The following GALNT10 variants were observed in gnomAD, a reference collection of about 807,000 sequenced individuals.
GALNT10 encodes polypeptide N-acetylgalactosaminyltransferase 10, also known as GalNAc transferase 10.
A neutral mutation model predicts 75.0 loss-of-function variants in GALNT10; 41 were observed. The observed-to-expected ratio is 0.55, with a 90% CI of 0.43 to 0.71. The LOEUF (loss-of-function observed/expected upper bound fraction) is 0.71, where lower values mean the gene tolerates loss of function less well. GALNT10 is among the 30% of genes least tolerant of loss of function. The pLI is 0.00. For synonymous variants in GALNT10, 302 were observed against 313.0 expected (o/e 0.96, Z 0.37); for missense variants, 727 against 818.5 (o/e 0.89, Z 1.36).
rs143431287 is a variant in GALNT10 at position 154,234,769 on chromosome 5, A to G, written c.159+43744A>G. Among the ~76,000 whole-genome samples the G allele has an allele frequency of 4.6e-3, 701 of 152,294 alleles. 2 individuals carry two copies. The highest frequency in any genetic ancestry group is 7.2e-3 in the Non-Finnish European group (493 of 68,022). On this transcript the variant is annotated intron_variant, in intron 1 of 11. Coordinates refer to ENST00000297107, the MANE Select transcript of GALNT10 (RefSeq NM_198321.4). The stretch of plus-strand genomic sequence containing the variant: ...TCAGGGCCTGTGCTTCTTATCTCTC[A>G]CTACATTATTCTGACAGTAGGCAGA...
chr5:154,339,412 G>GT (rs1265056254), intron 4 of GALNT10, among the ~76,000 whole-genome samples: 2 of 152,064 alleles, frequency 1.3e-5, no homozygotes, highest in African/African-American at 4.8e-5. Context: ...ATATCAATTA[G>GT]TTTATAATGA....
At chr5:154,231,014 GC>G (rs1437605222) in intron 1 of GALNT10, among the ~76,000 whole-genome samples, 2 of 152,216 alleles carry the variant, frequency 1.3e-5, no homozygotes, top group Admixed American at 1.3e-4. Flanking sequence ...TTCTGAGGAC[GC>G]CACGAACCAG....
chr5:154,195,513 G>A (rs958520212), intron 1 of GALNT10, among the ~76,000 whole-genome samples: 6 of 152,224 alleles, frequency 3.9e-5, no homozygotes, highest in African/African-American at 1.4e-4. Context: ...CTAGCACAAA[G>A]CACAAGATTT....
intron 1 of GALNT10, among the ~76,000 whole-genome samples, chr5:154,220,783 A>G (rs996630805): frequency 6.6e-6 from 1 of 152,234 alleles, no homozygotes; most frequent in Admixed American, 6.5e-5. Context: ...CCTTTCTGAC[A>G]GACTCTGGGG....
intron 3 of GALNT10, 45 bp from the exon 4 acceptor site, chr5:154,329,527 G>A (rs754506950): frequency 2.6e-6 from 4 of 1,536,668 alleles, no homozygotes; most frequent in East Asian, 2.2e-5. Context: ...CTTGGCAGGA[G>A]GAGAGCTGAC....
At chr5:154,279,930 T>C (rs911872635) in intron 1 of GALNT10, among the ~76,000 whole-genome samples, 3 of 152,090 alleles carry the variant, frequency 2.0e-5, no homozygotes, top group African/African-American at 4.8e-5. Flanking sequence ...TGGGTATATA[T>C]CCAAAGAAAA....
intron 1 of GALNT10, 113 bp downstream of exon 1, chr5:154,191,138 C>G: frequency 1.5e-6 from 1 of 668,498 alleles, no homozygotes; most frequent in Admixed American, 4.1e-5. Context: ...AGCTCCGAGA[C>G]TCTTCAGCTC....
chr5:154,227,977 T>C (rs1219793092), intron 1 of GALNT10, among the ~76,000 whole-genome samples: 1 of 152,130 alleles, frequency 6.6e-6, no homozygotes, highest in Non-Finnish European at 1.5e-5. Flanking sequence ...GTCTTCATGA[T>C]AGTGAGTTCT....
intron 8 of GALNT10, among the ~76,000 whole-genome samples, chr5:154,405,458 G>C (rs977354609): frequency 9.9e-5 from 15 of 152,232 alleles, no homozygotes; most frequent in African/African-American, 3.4e-4. Context: ...ACACGGGCGG[G>C]GGGTAGGTTC....
intron 1 of GALNT10, among the ~76,000 whole-genome samples, chr5:154,292,263 G>T (rs73279687): frequency 0.17 from 25,570 of 152,194 alleles, 2,281 homozygotes; most frequent in Non-Finnish European, 0.18. Context: ...CTAAAACACG[G>T]ATTGCTGGGC....
chr5:154,353,263 A>T (rs898786944), intron 4 of GALNT10, among the ~76,000 whole-genome samples: 1 of 152,162 alleles, frequency 6.6e-6, no homozygotes, highest in Non-Finnish European at 1.5e-5. Context: ...AGCCGCAATT[A>T]TGAGCGAAAA....
At chr5:154,323,402 C>T (rs1346227109) in intron 3 of GALNT10, among the ~76,000 whole-genome samples, 1 of 152,072 alleles carries the variant, frequency 6.6e-6, no homozygotes, top group African/African-American at 2.4e-5. Context: ...GTCATTTTAG[C>T]TTGAGGGTCA....
At chr5:154,373,845 A>C (rs1221899857) in intron 4 of GALNT10, among the ~76,000 whole-genome samples, 1 of 152,108 alleles carries the variant, frequency 6.6e-6, no homozygotes, top group Non-Finnish European at 1.5e-5. Flanking sequence ...GTCACTCTGT[A>C]ATGACTGTGG....
rs1387233960 is a variant in GALNT10 at position 154,409,779 on chromosome 5, G to A, written c.1386+17G>A. On this transcript the variant is annotated intron_variant, in intron 9 of 11. Coordinates refer to ENST00000297107, the MANE Select transcript of GALNT10 (RefSeq NM_198321.4). The surrounding 1 kb of genome is among the most constrained non-coding windows in gnomAD (Gnocchi z 4.5). Reference sequence around the variant, plus strand: ...TGGGGGGAGGTGAGTCTGGAGGGCAGGGCTGGCTCCATAATTTAATGGGTG... The same window carrying A: ...TGGGGGGAGGTGAGTCTGGAGGGCAAGGCTGGCTCCATAATTTAATGGGTG... 6.5e-7 allele frequency: 1 copy of A among 1,548,304 alleles called. No homozygotes were observed. The highest frequency in any genetic ancestry group is 8.9e-7 in the Non-Finnish European group (1 of 1,120,634).
intron 6 of GALNT10, among the ~76,000 whole-genome samples, chr5:154,384,688 C>T (rs988976804): frequency 3.3e-5 from 5 of 152,186 alleles, no homozygotes; most frequent in African/African-American, 1.2e-4. Flanking sequence ...TTTCTCACGC[C>T]CTGTTCTTTG....
chr5:154,409,707 G>T lies in GALNT10; in HGVS notation c.1331G>T (p.Trp444Leu), dbSNP rs758969315. 2 of 1,614,158 alleles carry T rather than the reference G, an allele frequency of 1.2e-6. No homozygotes were observed. Among genetic ancestry groups the T allele is most frequent in the African/African-American group, 2.7e-5 (2 of 75,056 alleles). The change falls in exon 9 of 12, where the codon TGG (tryptophan) becomes TTG (leucine). Residue 444 changes from tryptophan to leucine, a missense_variant. Coordinates refer to ENST00000297107, the MANE Select transcript of GALNT10 (RefSeq NM_198321.4). The surrounding 1 kb of genome is among the most constrained non-coding windows in gnomAD (Gnocchi z 4.5). Reference sequence around the variant, plus strand: ...AAGTGGTTTATGACGAAGATAGCCTGGGACCTGCCCAAATTCTACCCACCC... The same window carrying T: ...AAGTGGTTTATGACGAAGATAGCCTTGGACCTGCCCAAATTCTACCCACCC... The part of the protein sequence containing the change: ...SFKWFMTKIA[W>L]DLPKFYPPVE...
At chr5:154,213,660 C>T (rs1233143492) in intron 1 of GALNT10, among the ~76,000 whole-genome samples, 2 of 152,128 alleles carry the variant, frequency 1.3e-5, no homozygotes, top group African/African-American at 4.8e-5. Flanking sequence ...TAGCTCACTG[C>T]ACCCTCAAAC....
chr5:154,203,056 T>C (rs1396654261), intron 1 of GALNT10, among the ~76,000 whole-genome samples: 1 of 152,250 alleles, frequency 6.6e-6, no homozygotes, highest in Non-Finnish European at 1.5e-5. Context: ...TGATTAGTTT[T>C]AACTCTAATT....
chr5:154,328,002 G>A (rs1198122091), intron 3 of GALNT10, among the ~76,000 whole-genome samples: 1 of 151,604 alleles, frequency 6.6e-6, no homozygotes, highest in African/African-American at 2.4e-5. Flanking sequence ...GGATACCACA[G>A]AGATGCAAGC....
Sources: allele counts gnomAD v4.1 joint callset (sites outside exome capture counted in the v4.1 genomes callset), GRCh38; gene constraint gnomAD v4.1.1; non-coding constraint Gnocchi (gnomAD v3.1); transcripts MANE v1.5; gene names NCBI Gene and HGNC (gene_info 2026-07-23, HGNC 2026-07-21).